The following ITGAX variants were observed in gnomAD, a reference collection of about 807,000 sequenced individuals.
The protein encoded by ITGAX is integrin subunit alpha X.
A neutral mutation model predicts 140.2 loss-of-function variants in ITGAX; 99 were observed. That is an observed-to-expected ratio of 0.71 (90% CI 0.60 to 0.83). The LOEUF is 0.83. Ranked by LOEUF, ITGAX falls within the 40% of genes least tolerant of loss-of-function variation. The pLI is 0.00. For synonymous variants in ITGAX, 631 were observed against 600.4 expected (o/e 1.05, Z -0.75); for missense variants, 1,444 against 1,482.0 (o/e 0.97, Z 0.42).
chr16:31,379,133 G>C (rs1273697256), intron 23 of ITGAX, among the ~76,000 whole-genome samples: 1 of 149,172 alleles, frequency 6.7e-6, no homozygotes, highest in African/African-American at 2.5e-5. Flanking sequence ...CTCTCTCTCT[G>C]TTTTTTTTTG....
rs766407604 is a variant in ITGAX at position 31,371,657 on chromosome 16, A to G, written c.2033A>G (p.Asp678Gly). 4 of 1,614,014 alleles carry G rather than the reference A, an allele frequency of 2.5e-6. No individual in the cohort carries two copies. The highest frequency in any genetic ancestry group is 3.3e-4 in the Middle Eastern group (2 of 6,062). The change falls in exon 17 of 30, where the codon GAC (aspartate) becomes GGC (glycine). Residue 678 changes from aspartate to glycine, a missense_variant. By Grantham distance (94) the Asp-to-Gly change is moderately conservative. Coordinates refer to ENST00000268296, the MANE Select transcript of ITGAX (RefSeq NM_000887.5). ...GACCTCCAAAGCTCTGTGACCTTGG[A>G]CCTGGCCCTCGACCCTGGCCGCCTG... is the stretch of plus-strand genomic sequence containing the variant. ...SRDLQSSVTL[D>G]LALDPGRLSP...
rs762530545 is a variant in ITGAX, at chr16:31,371,226, C to G, written c.1841+12C>G. 1.8e-4 allele frequency: 296 copies of G among 1,604,032 alleles called. No individual in the cohort carries two copies. Among genetic ancestry groups the G allele is most frequent in the Non-Finnish European group, 2.4e-4 (282 of 1,174,500 alleles). On this transcript the variant is annotated intron_variant, in intron 15 of 29. Transcript: ENST00000268296. ...GTGCTCCTGCTCAGGTGAGAGCAGC[C>G]TTTCTCAGAGGCTCCCCAGGTGGTC...
chr16:31,362,954 C>A lies in ITGAX; in HGVS notation c.1379C>A (p.Ala460Asp). The A allele has an allele frequency of 6.2e-7, 1 of 1,611,808 alleles. No individual in the cohort carries two copies. Among genetic ancestry groups the A allele is most frequent in the Non-Finnish European group, 8.5e-7 (1 of 1,179,770 alleles). Reference sequence around the variant, plus strand: ...CTTCAGATCGGCTCCTACTTCGGGGCCTCCCTCTGCTCCGTGGACGTAGAC... The same window carrying A: ...CTTCAGATCGGCTCCTACTTCGGGGACTCCCTCTGCTCCGTGGACGTAGAC... ...TGTQIGSYFGASLCSVDVDSD... is the reference protein window; with the variant it reads ...TGTQIGSYFGDSLCSVDVDSD... Residue 460 changes from alanine (A) to aspartate (D), a missense_variant, in exon 13 of 30, where the codon GCC becomes GAC. Coordinates refer to ENST00000268296, the MANE Select transcript of ITGAX (RefSeq NM_000887.5).
rs138137251 is a variant in ITGAX, at chr16:31,371,149, A to G, written c.1776A>G (p.Gln592=). ...QYFGQALSGG[Q]DLTQDGLVDL... is the part of the protein sequence containing the mutation. ...TTGGGCAGGCACTGAGCGGGGGTCA[A>G]GACCTCACCCAGGATGGACTGGTGG... Residue 592 remains glutamine, a synonymous_variant, in exon 15 of 30, where the codon CAA becomes CAG. Coordinates refer to ENST00000268296, the MANE Select transcript of ITGAX (RefSeq NM_000887.5). 0.011 allele frequency: 17,706 copies of G among 1,613,946 alleles called. 172 individuals carry two copies. The highest frequency in any genetic ancestry group is 0.059 in the Middle Eastern group (360 of 6,058).
rs1158002564 is a variant in ITGAX at position 31,382,939 on chromosome 16, A to T, written c.*1032A>T. ...AATAAATTAAAACATGCACAAAAAG[A>T]TGCATCTACCGCTCTTGGGAAATAT... On this transcript the variant is annotated 3_prime_UTR_variant, in exon 30 of 30. Transcript: ENST00000268296. The T allele has an allele frequency of 6.0e-6, 1 of 166,050 alleles. No homozygotes were observed. The highest frequency in any genetic ancestry group is 1.3e-5 in the Non-Finnish European group (1 of 76,608). The allele number at this position is 166,050 out of a possible 1,614,324, so 10.3% of individuals were successfully genotyped here. A position where few individuals can be genotyped will look rare whatever the true frequency, so the allele number is the denominator to read the frequency against.
intron 20 of ITGAX, among the ~76,000 whole-genome samples, chr16:31,374,915 C>A (rs2081005801): frequency 6.6e-6 from 1 of 152,250 alleles, no homozygotes; most frequent in East Asian, 1.9e-4. Flanking sequence ...GAGGGCTTTG[C>A]CCTCATGAAT....
rs2080964539 is a variant in ITGAX, at chr16:31,371,756, A to G, written c.2132A>G (p.His711Arg). 5 of 1,614,092 alleles carry G rather than the reference A, an allele frequency of 3.1e-6. No homozygotes were observed. In the South Asian group the frequency reaches 3.3e-5, roughly 11 times the overall value. Residue 711 changes from histidine to arginine, a missense_variant, in exon 17 of 30, where the codon CAC becomes CGC. His to Arg is a conservative substitution (Grantham distance 29). Transcript: ENST00000268296. ...GTCCGAGTCCTCGGGCTGAAGGCACACTGTGAAAACTTCAACCTGCTGCTC... is the reference window on the plus strand; with the variant it reads ...GTCCGAGTCCTCGGGCTGAAGGCACGCTGTGAAAACTTCAACCTGCTGCTC... ...SRVRVLGLKA[H>R]CENFNLLLPS...
At chr16:31,378,626 T>C (rs915406423) in intron 23 of ITGAX, among the ~76,000 whole-genome samples, 1 of 151,506 alleles carries the variant, frequency 6.6e-6, no homozygotes, top group Non-Finnish European at 1.5e-5. Flanking sequence ...TGTGCCACCA[T>C]GCCTGGCTAA....
rs1140193 is a variant in ITGAX, at chr16:31,382,567, G to C, written c.*660G>C. On this transcript the variant is annotated 3_prime_UTR_variant, in exon 30 of 30. Transcript: ENST00000268296. ...GGCTTCAGGGCGCACAGCATGAGAG[G>C]CTCTGTGCCCCCATCACCCTCGTTT... The C allele has an allele frequency of 1.2e-6, 1 of 810,598 alleles. No individual in the cohort carries two copies. Among genetic ancestry groups the C allele is most frequent in the Non-Finnish European group, 2.1e-6 (1 of 483,840 alleles). The allele number at this position is 810,598 out of a possible 1,614,324, so 50.2% of individuals were successfully genotyped here.
At chr16:31,362,476 G>A (rs2080840894) in intron 11 of ITGAX, 135 bp from the exon 12 acceptor site, 8 of 1,257,468 alleles carry the variant, frequency 6.4e-6, no homozygotes, top group East Asian at 2.6e-5. Flanking sequence ...TGGGGAGAGA[G>A]GATGGGGGCT....
At chr16:31,363,967 C>G (rs554051423) in intron 14 of ITGAX, among the ~76,000 whole-genome samples, 1 of 152,180 alleles carries the variant, frequency 6.6e-6, no homozygotes, top group Non-Finnish European at 1.5e-5. Flanking sequence ...CCCTTCCACT[C>G]GCCCCTCTCC....
intron 14 of ITGAX, among the ~76,000 whole-genome samples, chr16:31,370,432 C>T (rs183442735): frequency 9.3e-4 from 142 of 152,202 alleles, no homozygotes; most frequent in African/African-American, 2.9e-3. Flanking sequence ...TACCCCACCG[C>T]GGCTTTTTCT....
At chr16:31,368,536 G>A (rs1370452832) in intron 14 of ITGAX, among the ~76,000 whole-genome samples, 2 of 149,258 alleles carry the variant, frequency 1.3e-5, no homozygotes, top group African/African-American at 4.9e-5. Context: ...AAACGTAGTT[G>A]ATAAATCAGC....
chr16:31,364,709 G>C (rs1183668979), intron 14 of ITGAX, among the ~76,000 whole-genome samples: 2 of 152,044 alleles, frequency 1.3e-5, no homozygotes, highest in African/African-American at 4.8e-5. Context: ...CAGCATGGCA[G>C]GTCCTCAAAA....
Position 31,376,902 on chromosome 16 carries a change from G to T in ITGAX, c.2612G>T (p.Arg871Leu), listed in dbSNP as rs141139311. The change falls in exon 21 of 30, where the codon CGT becomes CTT. Residue 871 changes from arginine (R) to leucine (L), a missense_variant. Arg to Leu is a moderately radical substitution (Grantham distance 102). Coordinates refer to ENST00000268296, the MANE Select transcript of ITGAX (RefSeq NM_000887.5). ...TSCRINHLIFRGGAQITFLAT... is the reference protein window; with the variant it reads ...TSCRINHLIFLGGAQITFLAT... The stretch of plus-strand genomic sequence containing the variant: ...TGCAGAATCAACCACCTCATCTTCC[G>T]TGGCGGCGCCCAGGTCAGCCTGGCT... The T allele has an allele frequency of 6.2e-7, 1 of 1,614,208 alleles. No homozygotes were observed. Among genetic ancestry groups the T allele is most frequent in the South Asian group, 1.1e-5 (1 of 91,090 alleles).
In ITGAX at chr16:31,381,962, C is replaced by A; in HGVS notation, c.*55C>A. ...CCGCGAGTTTTCCCCACTTACTTACCCTCACCTGTCAGGCCTGACGGGGAG... is the reference window on the plus strand; with the variant it reads ...CCGCGAGTTTTCCCCACTTACTTACACTCACCTGTCAGGCCTGACGGGGAG... On this transcript the variant is annotated 3_prime_UTR_variant, in exon 30 of 30. Coordinates refer to ENST00000268296, the MANE Select transcript of ITGAX (RefSeq NM_000887.5). 1 of 1,366,794 alleles carries A rather than the reference C, an allele frequency of 7.3e-7. No individual in the cohort carries two copies. The highest frequency in any genetic ancestry group is 1.0e-6 in the Non-Finnish European group (1 of 960,742). The allele number at this position is 1,366,794 out of a possible 1,614,324, so 84.7% of individuals were successfully genotyped here.
chr16:31,366,230 A>G (rs980403673), intron 14 of ITGAX, among the ~76,000 whole-genome samples: 1 of 152,196 alleles, frequency 6.6e-6, no homozygotes, highest in Non-Finnish European at 1.5e-5. Context: ...ACAATGTTTC[A>G]AACTTTTTTG....
At position 31,355,915 on chromosome 16, in the gene ITGAX, C is replaced by T. The variant is rs200179366; in HGVS notation, c.60C>T (p.Phe20=). Residue 20 remains phenylalanine, a synonymous_variant, in exon 2 of 30, where the codon TTC becomes TTT. Transcript: ENST00000268296. The part of the protein sequence containing the change: ...LFTALATSLG[F]NLDTEELTAF... ...CAGCCTTAGCAACTTCTCTAGGTTTCAACTTGGACACAGAGGAGCTGACAG... is the reference window on the plus strand; with the variant it reads ...CAGCCTTAGCAACTTCTCTAGGTTTTAACTTGGACACAGAGGAGCTGACAG... 2 of 1,613,714 alleles carry T rather than the reference C, an allele frequency of 1.2e-6. No homozygotes were observed. Among genetic ancestry groups the T allele is most frequent in the Admixed American group, 3.3e-5 (2 of 59,992 alleles).
At chr16:31,359,859 G>A in intron 6 of ITGAX, 29 bp downstream of exon 6, 1 of 1,613,998 alleles carries the variant, frequency 6.2e-7, no homozygotes, top group South Asian at 1.1e-5. Flanking sequence ...GAGGCTGCTG[G>A]GGGTGGGTGC....
Sources: allele counts gnomAD v4.1 joint callset (sites outside exome capture counted in the v4.1 genomes callset), GRCh38; gene constraint gnomAD v4.1.1; transcripts MANE v1.5; gene names NCBI Gene and HGNC (gene_info 2026-07-23, HGNC 2026-07-21).